The following INHA variants were observed in gnomAD, a reference collection of about 807,000 sequenced individuals.
INHA encodes the protein inhibin alpha chain.
INHA carries 8 observed loss-of-function variants against 21.3 expected under a neutral mutation model. The observed-to-expected ratio is 0.38, with a 90% CI of 0.22 to 0.68. INHA has a LOEUF of 0.68. INHA is among the 30% of genes least tolerant of loss of function. The pLI is 0.53. For missense variants in INHA, 436 were observed against 465.8 expected, an observed-to-expected ratio of 0.94 and a Z score of 0.59; for synonymous variants, 231 against 207.5, an observed-to-expected ratio of 1.11 and a Z score of -0.97.
At chr2:219,574,228 G>A (rs140629845) in intron 1 of INHA, among the ~76,000 whole-genome samples, 3,442 of 149,592 alleles carry the variant, frequency 0.023, 137 homozygotes, top group African/African-American at 0.08. Context: ...GCAGTGAGCC[G>A]TGATCATGCC....
At chr2:219,573,770 C>T (rs968176288) in intron 1 of INHA, among the ~76,000 whole-genome samples, 5 of 151,878 alleles carry the variant, frequency 3.3e-5, no homozygotes, top group Non-Finnish European at 5.9e-5. Flanking sequence ...GTCAAGAGAT[C>T]GAGACTATCC....
rs1481596160 is a variant in INHA at position 219,574,887 on chromosome 2, G to A, written c.462G>A (p.Leu154=). 6.2e-7 allele frequency: 1 copy of A among 1,614,160 alleles called. No homozygotes were observed. Among genetic ancestry groups the A allele is most frequent in the Non-Finnish European group, 8.5e-7 (1 of 1,180,024 alleles). ...ATAGCTCTGAGCCCCTGCTAGGCCT[G>A]CTGGCACTGTCACCGGGAGGACCCG... The part of the protein sequence containing the change: ...ASNSSEPLLG[L]LALSPGGPVA... The change falls in exon 2 of 2, where the codon CTG becomes CTA. Residue 154 remains leucine, a synonymous_variant. Transcript: ENST00000243786.
Position 219,572,519 on chromosome 2 carries a change from G to A in INHA, c.145G>A (p.Glu49Lys). 6.2e-7 allele frequency: 1 copy of A among 1,604,222 alleles called. No individual in the cohort carries two copies. The highest frequency in any genetic ancestry group is 8.5e-7 in the Non-Finnish European group (1 of 1,175,088). The change falls in exon 1 of 2, where the codon GAA becomes AAA. Residue 49 changes from glutamate (E) to lysine (K), a missense_variant. By Grantham distance (56) the Glu-to-Lys change is moderately conservative. Transcript: ENST00000243786. ...CTTGGGGCCCCCCGCGGTGACCAGG[G>A]AAGGTGGGGACCCTGGAGTCAGGCG... ...DALGPPAVTR[E>K]GGDPGVRRLP...
Position 219,574,848 on chromosome 2 carries a change from C to G in INHA, c.423C>G (p.Gly141=). Residue 141 remains glycine, a synonymous_variant, in exon 2 of 2, where the codon GGC becomes GGG. Coordinates refer to ENST00000243786, the MANE Select transcript of INHA (RefSeq NM_002191.4). ...TCCACACCGGGCTGGACAGGCAGGG[C>G]ACAGCAGCCTCCAATAGCTCTGAGC... ...LWFHTGLDRQ[G]TAASNSSEPL... is the part of the protein sequence containing the mutation. The G allele has an allele frequency of 6.2e-7, 1 of 1,614,012 alleles. No homozygotes were observed. The highest frequency in any genetic ancestry group is 1.7e-5 in the Admixed American group (1 of 60,034).
intron 1 of INHA, among the ~76,000 whole-genome samples, chr2:219,573,683 G>A (rs1697472959): frequency 6.6e-6 from 1 of 151,034 alleles, no homozygotes; most frequent in Admixed American, 6.6e-5. Flanking sequence ...AAGATATAAA[G>A]AGTAATATAG....
chr2:219,572,711 C>T (rs952381079), intron 1 of INHA, 69 bp downstream of exon 1: 6 of 1,522,854 alleles, frequency 3.9e-6, no homozygotes, highest in Non-Finnish European at 5.3e-6. Flanking sequence ...GTTTGCAGGC[C>T]AGGCGGACCT....
chr2:219,574,968 G>A lies in INHA; in HGVS notation c.543G>A (p.Leu181=). ...CCCCTCACTGGGCCGTGCTGCACCT[G>A]GCCACCTCTGCTCTCTCTCTGCTGA... ...HAPPHWAVLH[L]ATSALSLLTH... Residue 181 remains leucine, a synonymous_variant, in exon 2 of 2, where the codon CTG becomes CTA. Coordinates refer to ENST00000243786, the MANE Select transcript of INHA (RefSeq NM_002191.4). 6.2e-7 allele frequency: 1 copy of A among 1,613,856 alleles called. No individual in the cohort carries two copies. The highest frequency in any genetic ancestry group is 8.5e-7 in the Non-Finnish European group (1 of 1,180,014).
In INHA at chr2:219,575,631, C is replaced by T. The variant is rs1290225034; in HGVS notation, c.*105C>T. ...GGGAAATAGATGGCTCCCACTCCTC[C>T]CTCCTTTCACTTCTCTGCCTATGGG... On this transcript the variant is annotated 3_prime_UTR_variant, in exon 2 of 2. Transcript: ENST00000243786. The T allele has an allele frequency of 1.1e-6, 1 of 902,716 alleles. No individual in the cohort carries two copies. Among genetic ancestry groups the T allele is most frequent in the Non-Finnish European group, 1.8e-6 (1 of 553,698 alleles). 55.9% of individuals were successfully genotyped at this position (902,716 alleles called of 1,614,324 possible). A position where few individuals can be genotyped will look rare whatever the true frequency, so the allele number is the denominator to read the frequency against.
At chr2:219,574,592 C>T (rs1697486394) in intron 1 of INHA, 102 bp from the exon 2 acceptor site, 4 of 965,066 alleles carry the variant, frequency 4.1e-6, no homozygotes, top group Middle Eastern at 3.1e-4. Flanking sequence ...TGCAGCCCAT[C>T]ATTGGCTCAT....
At position 219,574,577 on chromosome 2, in the gene INHA, C is replaced by G; in HGVS notation, c.269-117C>G. ...TCCCCACGTCCCGGAGGGCGTGGAGCAGAGTGCAGCCCATCATTGGCTCAT... is the reference window on the plus strand; with the variant it reads ...TCCCCACGTCCCGGAGGGCGTGGAGGAGAGTGCAGCCCATCATTGGCTCAT... On this transcript the variant is annotated intron_variant, in intron 1 of 1. Transcript: ENST00000243786. 3 of 811,200 alleles carry G rather than the reference C, an allele frequency of 3.7e-6. No individual in the cohort carries two copies. The South Asian group carries it at 5.1e-5, about 14-fold the overall frequency. 50.3% of individuals were successfully genotyped at this position (811,200 alleles called of 1,614,324 possible). A position where few individuals can be genotyped will look rare whatever the true frequency, so the allele number is the denominator to read the frequency against.
Position 219,575,179 on chromosome 2 carries a change from C to T in INHA, c.754C>T (p.Pro252Ser), listed in dbSNP as rs1225877445. The T allele has an allele frequency of 2.5e-6, 4 of 1,614,130 alleles. No homozygotes were observed. The highest frequency in any genetic ancestry group is 2.7e-5 in the African/African-American group (2 of 74,946). The change falls in exon 2 of 2, where the codon CCT (proline) becomes TCT (serine). Residue 252 changes from proline to serine, a missense_variant. By Grantham distance (74) the Pro-to-Ser change is moderately conservative. Transcript: ENST00000243786. ...SPSALRLLQR[P>S]PEEPAAHANC... is the part of the protein sequence containing the mutation. Reference sequence around the variant, plus strand: ...CTCTGCTCTGCGCCTGCTGCAGAGGCCTCCGGAGGAACCGGCTGCCCATGC... The same window carrying T: ...CTCTGCTCTGCGCCTGCTGCAGAGGTCTCCGGAGGAACCGGCTGCCCATGC...
chr2:219,574,625 G>T, intron 1 of INHA, 69 bp from the exon 2 acceptor site: 1 of 1,308,174 alleles, frequency 7.6e-7, no homozygotes, highest in East Asian at 2.5e-5. Flanking sequence ...CATCCCTCCT[G>T]CTGAAGAGGA....
Position 219,574,676 on chromosome 2 carries a change from T to C in INHA, c.269-18T>C, listed in dbSNP as rs1697487276. On this transcript the variant is annotated intron_variant, in intron 1 of 1. Coordinates refer to ENST00000243786, the MANE Select transcript of INHA (RefSeq NM_002191.4). ...GCCAGTCAGGGCTGCCCTCTCCCTT[T>C]TCTTCTGTCTCCTGCAGATGCCAGC... 1.3e-6 allele frequency: 2 copies of C among 1,597,282 alleles called. No homozygotes were observed. Among genetic ancestry groups the C allele is most frequent in the African/African-American group, 1.3e-5 (1 of 74,458 alleles).
chr2:219,575,203 G>A lies in INHA; in HGVS notation c.778G>A (p.Ala260Thr), dbSNP rs1165830251. 31 of 1,614,140 alleles carry A rather than the reference G, an allele frequency of 1.9e-5. No individual in the cohort carries two copies. The highest frequency in any genetic ancestry group is 2.6e-5 in the Non-Finnish European group (31 of 1,180,050). The change falls in exon 2 of 2, where the codon GCC (alanine) becomes ACC (threonine). Residue 260 changes from alanine (A) to threonine (T), a missense_variant. Coordinates refer to ENST00000243786, the MANE Select transcript of INHA (RefSeq NM_002191.4). ...GCCTCCGGAGGAACCGGCTGCCCAT[G>A]CCAACTGCCACAGAGTAGCACTGAA... ...QRPPEEPAAHANCHRVALNIS... is the reference protein window; with the variant it reads ...QRPPEEPAAHTNCHRVALNIS...
At chr2:219,572,698 T>C in intron 1 of INHA, 56 bp downstream of exon 1, 1 of 1,545,468 alleles carries the variant, frequency 6.5e-7, no homozygotes, top group Non-Finnish European at 8.8e-7. Flanking sequence ...AGGCACAGCA[T>C]GGGTTTGCAG....
Position 219,572,363 on chromosome 2 carries a change from G to T in INHA, c.-12G>T, listed in dbSNP as rs1294679501. ...AGGGTGTGAGTTCCCCACTAGCAGG[G>T]CCAGGTGAGCTATGGTGCTGCACCT... On this transcript the variant is annotated 5_prime_UTR_variant, in exon 1 of 2. Transcript: ENST00000243786. 1 of 1,613,612 alleles carries T rather than the reference G, an allele frequency of 6.2e-7. No individual in the cohort carries two copies. The highest frequency in any genetic ancestry group is 1.1e-5 in the South Asian group (1 of 91,030).
rs766762223 is a variant in INHA, at chr2:219,572,437, G to C, written c.63G>C (p.Gly21=). ...LTPQGGHSCQ[G]LELARELVLA... The stretch of plus-strand genomic sequence containing the variant: ...CACAGGGTGGGCACAGCTGCCAGGG[G>C]CTGGAGCTGGCCCGGGAACTTGTTC... The change falls in exon 1 of 2, where the codon GGG becomes GGC. Residue 21 remains glycine, a synonymous_variant. Transcript: ENST00000243786. 6.2e-7 allele frequency: 1 copy of C among 1,613,958 alleles called. No individual in the cohort carries two copies. The highest frequency in any genetic ancestry group is 2.2e-5 in the East Asian group (1 of 44,890).
chr2:219,574,777 T>C lies in INHA; in HGVS notation c.352T>C (p.Ser118Pro), dbSNP rs751923530. 1 of 1,614,130 alleles carries C rather than the reference T, an allele frequency of 6.2e-7. No individual in the cohort carries two copies. Among genetic ancestry groups the C allele is most frequent in the Admixed American group, 1.7e-5 (1 of 60,028 alleles). The change falls in exon 2 of 2, where the codon TCC becomes CCC. Residue 118 changes from serine to proline, a missense_variant. Transcript: ENST00000243786. ...CCTCTTCAGATACATGTTCCGGCCA[T>C]CCCAGCATACACGCAGCCGCCAGGT... ...EGLFRYMFRP[S>P]QHTRSRQVTS...
At chr2:219,573,703 G>A (rs758392003) in intron 1 of INHA, among the ~76,000 whole-genome samples, 11 of 151,884 alleles carry the variant, frequency 7.2e-5, no homozygotes, top group Non-Finnish European at 1.5e-4. Flanking sequence ...GGCCGGGCGC[G>A]GTGGCTCACG....
Sources: allele counts gnomAD v4.1 joint callset (sites outside exome capture counted in the v4.1 genomes callset), GRCh38; gene constraint gnomAD v4.1.1; transcripts MANE v1.5; gene names NCBI Gene and HGNC (gene_info 2026-07-23, HGNC 2026-07-21).